The following NONO variants were observed in gnomAD, a reference collection of about 807,000 sequenced individuals.
The protein encoded by NONO is non-POU domain-containing octamer-binding protein.
NONO carries 6 observed loss-of-function variants against 40.2 expected under a neutral mutation model. That is an observed-to-expected ratio of 0.15 (90% CI 0.08 to 0.29). NONO has a LOEUF of 0.29. Among genes scored for constraint, NONO ranks in the 10% least tolerant of loss-of-function variants. The pLI, the probability that NONO is intolerant of heterozygous loss-of-function variation, is 1.00. For synonymous variants in NONO, 89 were observed against 123.3 expected (o/e 0.72, Z 1.85); for missense variants, 133 against 397.8 (o/e 0.33, Z 5.66).
At chrX:71,292,225 A>G (rs759303476) in intron 4 of NONO, 1 of 200,190 alleles carries the variant, frequency 5.0e-6, no homozygotes, top group Admixed American at 7.3e-5. Flanking sequence ...GAGACGGAGT[A>G]TCACTCTTGT....
Position 71,297,822 on chromosome X carries a change from G to T in NONO, c.1029-14G>T. On this transcript the variant is annotated splice_polypyrimidine_tract_variant and intron_variant, in intron 8 of 11. Transcript: ENST00000276079. Reference sequence around the variant, plus strand: ...AAATGCCTCTGTCTTAAATACATTGGTGACTCTCTGTAGGCAGGAGGAAGA... The same window carrying T: ...AAATGCCTCTGTCTTAAATACATTGTTGACTCTCTGTAGGCAGGAGGAAGA... The T allele has an allele frequency of 1.7e-6, 2 of 1,180,297 alleles. No individual in the cohort carries two copies. Among genetic ancestry groups the T allele is most frequent in the Non-Finnish European group, 2.3e-6 (2 of 868,297 alleles).
chrX:71,292,705 T>A (rs183108815), intron 4 of NONO: 8 of 112,374 alleles, frequency 7.1e-5, no homozygotes, highest in African/African-American at 2.6e-4. Flanking sequence ...ATTCCTGAGC[T>A]TAAGCAATTC....
chrX:71,293,725 G>A (rs766589741), intron 4 of NONO, among the ~76,000 whole-genome samples: 10 of 110,034 alleles, frequency 9.1e-5, no homozygotes, highest in East Asian at 3.0e-4. Context: ...TCCGCCTCCC[G>A]GGTTCAGGCA....
intron 8 of NONO, 143 bp from the exon 9 acceptor site, chrX:71,297,693 G>A: frequency 2.0e-6 from 1 of 507,838 alleles, no homozygotes. Flanking sequence ...TTTGGGGGTT[G>A]CCTCAGGGCT....
intron 4 of NONO, among the ~76,000 whole-genome samples, chrX:71,293,583 G>GA (rs761775142): frequency 1.7e-4 from 18 of 103,767 alleles, no homozygotes; most frequent in South Asian, 4.4e-4. Flanking sequence ...ACTCCGTCTC[G>GA]AAAAAAAAAA....
intron 2 of NONO, among the ~76,000 whole-genome samples, chrX:71,286,911 G>C (rs902222484): frequency 1.8e-5 from 2 of 111,293 alleles, no homozygotes; most frequent in Non-Finnish European, 3.8e-5. Context: ...TAAACTTTTG[G>C]ATACAGAATT....
intron 3 of NONO, among the ~76,000 whole-genome samples, chrX:71,291,442 C>T (rs192042258): frequency 1.9e-4 from 21 of 109,223 alleles, no homozygotes; most frequent in African/African-American, 3.0e-4. Flanking sequence ...TCTGAAGGTA[C>T]GTTTTGAATG....
At position 71,298,953 on chromosome X, in the gene NONO, C is replaced by T. The variant is rs183708472; in HGVS notation, c.1281+137C>T. On this transcript the variant is annotated intron_variant, in intron 11 of 11. Coordinates refer to ENST00000276079, the MANE Select transcript of NONO (RefSeq NM_007363.5). ...TTTTTTTTTTGGAGACAGAGTTTCC[C>T]TCTTGTTGCCCAGGCTAGAGTGCAA... 4.3e-3 allele frequency: 2,035 copies of T among 475,917 alleles called. 25 individuals are homozygous for T. The highest frequency in any genetic ancestry group is 0.042 in the East Asian group (1,134 of 27,040). 39.2% of individuals were successfully genotyped at this position (475,917 alleles called of 1,213,427 possible).
intron 4 of NONO, chrX:71,293,956 G>A: frequency 2.9e-6 from 1 of 343,421 alleles, no homozygotes; most frequent in Non-Finnish European, 5.1e-6. Context: ...TGGATGATCT[G>A]TTGTCATTGG....
intron 5 of NONO, among the ~76,000 whole-genome samples, chrX:71,296,118 CCA>C: frequency 9.1e-6 from 1 of 109,432 alleles, no homozygotes; most frequent in South Asian, 3.9e-4. Flanking sequence ...CCTGTCAACC[CCA>C]GATTTTCTTT....
intron 1 of NONO, chrX:71,284,077 A>C (rs940409797): frequency 2.7e-5 from 3 of 111,426 alleles, no homozygotes; most frequent in Non-Finnish European, 5.7e-5. Flanking sequence ...TTAGAGGAGG[A>C]GGCGCTTTGT....
At chrX:71,289,352 C>T (rs912832788) in intron 2 of NONO, among the ~76,000 whole-genome samples, 5 of 111,313 alleles carry the variant, frequency 4.5e-5, no homozygotes, top group South Asian at 3.8e-4. Context: ...AGTGCAGTGG[C>T]GCAATCTCGG....
rs887248832 is a variant in NONO, at chrX:71,297,162, G to A, written c.943+115G>A. The A allele has an allele frequency of 1.2e-5, 9 of 733,840 alleles. No homozygotes were observed. In the African/African-American group the frequency reaches 1.3e-4, roughly 11 times the overall value. 60.5% of individuals were successfully genotyped at this position (733,840 alleles called of 1,213,427 possible). A position where few individuals can be genotyped will look rare whatever the true frequency, so the allele number is the denominator to read the frequency against. ...ATCTCTGCTTTTATACTTAGTTTGC[G>A]TTGATTTTGGTAGATAAATAGGCTT... On this transcript the variant is annotated intron_variant, in intron 7 of 11. Coordinates refer to ENST00000276079, the MANE Select transcript of NONO (RefSeq NM_007363.5).
chrX:71,289,212 C>T (rs991797592), intron 2 of NONO, among the ~76,000 whole-genome samples: 6 of 111,930 alleles, frequency 5.4e-5, no homozygotes, highest in Non-Finnish European at 9.4e-5. Flanking sequence ...ATCCAGTACT[C>T]ATTTAGTTTT....
chrX:71,296,778 T>C, intron 6 of NONO, 73 bp from the exon 7 acceptor site: 1 of 1,085,055 alleles, frequency 9.2e-7, no homozygotes, highest in South Asian at 2.1e-5. Flanking sequence ...ATTATCTTGG[T>C]CCTCACAAGG....
chrX:71,297,262 C>A, intron 7 of NONO, 115 bp from the exon 8 acceptor site: 1 of 775,841 alleles, frequency 1.3e-6, no homozygotes, highest in South Asian at 2.6e-5. Context: ...ATCTGGACAC[C>A]ACAGGTGGTT....
chrX:71,298,396 T>C lies in NONO; in HGVS notation c.1132-73T>C, dbSNP rs112643329. 0.094 allele frequency: 82,727 copies of C among 881,870 alleles called. 3,178 individuals carry two copies. The highest frequency in any genetic ancestry group is 0.11 in the Non-Finnish European group (66,758 of 595,734). 72.7% of individuals were successfully genotyped at this position (881,870 alleles called of 1,213,427 possible). On this transcript the variant is annotated intron_variant, in intron 9 of 11. Coordinates refer to ENST00000276079, the MANE Select transcript of NONO (RefSeq NM_007363.5). ...TTATCACTCTATCTACTTCCCTTAG[T>C]GTGTGGTCCTTGATGGATTGTGGTA...
chrX:71,299,860 G>T, intron 11 of NONO, 82 bp from the exon 12 acceptor site: 1 of 1,100,497 alleles, frequency 9.1e-7, no homozygotes, highest in African/African-American at 1.8e-5. Context: ...AATGGAAATA[G>T]CCTCCAGTGG....
chrX:71,297,090 G>C (rs201001879), intron 7 of NONO, 43 bp downstream of exon 7: 5 of 1,062,795 alleles, frequency 4.7e-6, no homozygotes, highest in Non-Finnish European at 6.3e-6. Context: ...AGGACAAAAT[G>C]ACATTTTTAA....
Sources: allele counts gnomAD v4.1 joint callset (sites outside exome capture counted in the v4.1 genomes callset), GRCh38; gene constraint gnomAD v4.1.1; transcripts MANE v1.5; gene names NCBI Gene and HGNC (gene_info 2026-07-23, HGNC 2026-07-21).